PKD2: variants seen among roughly 807,000 people sequenced by gnomAD.
The protein encoded by PKD2 is polycystin 2, transient receptor potential cation channel.
PKD2 carries 48 observed loss-of-function variants against 105.9 expected under a neutral mutation model. The ratio of observed to expected loss-of-function variants is 0.45; its 90% confidence interval spans 0.36 to 0.58. PKD2 has a LOEUF of 0.58. PKD2 is among the 20% of genes least tolerant of loss of function. The pLI is 0.00. For synonymous variants in PKD2, 464 were observed against 481.1 expected, an observed-to-expected ratio of 0.96 and a Z score of 0.46; for missense variants, 1,078 against 1,255.3, an observed-to-expected ratio of 0.86 and a Z score of 2.13.
rs770039409 is a variant in PKD2, at chr4:88,010,664, T to C, written c.595+2336T>C. On this transcript the variant is annotated intron_variant, in intron 1 of 14. Coordinates refer to ENST00000237596, the MANE Select transcript of PKD2 (RefSeq NM_000297.4). ...AGTCTCTTGCCTTTGTGACTTTGTA[T>C]AGCTCCCTCAAACTACCTGAGCCTG... Among the ~76,000 whole-genome samples the C allele has an allele frequency of 7.9e-5, 12 of 152,338 alleles. No homozygotes were observed. The East Asian group carries it at 2.3e-3, about 29-fold the overall frequency.
At chr4:88,034,406 C>T (rs1727261354) in intron 2 of PKD2, among the ~76,000 whole-genome samples, 1 of 151,826 alleles carries the variant, frequency 6.6e-6, no homozygotes, top group Non-Finnish European at 1.5e-5. Flanking sequence ...TGGTGGTTCA[C>T]ACCTGTAATC....
At chr4:88,028,404 CACAA>C (rs1362606083) in intron 2 of PKD2, among the ~76,000 whole-genome samples, 3 of 152,288 alleles carry the variant, frequency 2.0e-5, no homozygotes, top group Non-Finnish European at 4.4e-5. Flanking sequence ...ATCTTTTCAC[CACAA>C]ACAGTTTCAG....
chr4:88,038,311 G>T lies in PKD2; in HGVS notation c.904G>T (p.Glu302Ter). Residue 302 changes from glutamate (E) to a stop codon, truncating the protein, a stop_gained, in exon 4 of 15, where the codon GAA becomes TAA. Transcript: ENST00000237596. LOFTEE classifies it high-confidence loss of function. ...YWKMQPSNQT[E>*]ADNRSFIFYE... ...GAAGATGCAGCCCAGCAACCAGACT[G>T]AAGCTGACAACCGAAGTTTCATCTT... 1 of 1,613,970 alleles carries T rather than the reference G, an allele frequency of 6.2e-7. No individual in the cohort carries two copies. Among genetic ancestry groups the T allele is most frequent in the Non-Finnish European group, 8.5e-7 (1 of 1,179,840 alleles).
intron 1 of PKD2, among the ~76,000 whole-genome samples, chr4:88,014,417 T>G (rs1726491045): frequency 6.7e-6 from 1 of 149,938 alleles, no homozygotes; most frequent in Non-Finnish European, 1.5e-5. Flanking sequence ...CTTAAGAGAC[T>G]GGGGCGGGAG....
chr4:88,007,682 A>C lies in PKD2; in HGVS notation c.-52A>C. On this transcript the variant is annotated 5_prime_UTR_variant, in exon 1 of 15. Coordinates refer to ENST00000237596, the MANE Select transcript of PKD2 (RefSeq NM_000297.4). ...GAAAGGAACATGGCTCCTGAGGCGC[A>C]CAGCGCCGAGCGCGGCGCCGCGCAC... is the stretch of plus-strand genomic sequence containing the variant. The C allele has an allele frequency of 9.0e-7, 1 of 1,105,682 alleles. No homozygotes were observed. Among genetic ancestry groups the C allele is most frequent in the Non-Finnish European group, 1.1e-6 (1 of 903,780 alleles). 68.5% of individuals were successfully genotyped at this position (1,105,682 alleles called of 1,614,324 possible).
At chr4:88,048,466 A>G (rs1727855550) in intron 6 of PKD2, among the ~76,000 whole-genome samples, 1 of 152,212 alleles carries the variant, frequency 6.6e-6, no homozygotes, top group Admixed American at 6.5e-5. Flanking sequence ...CAATAACTAT[A>G]TTAGCAGCAA....
chr4:88,064,014 A>G (rs1476516961), intron 10 of PKD2, among the ~76,000 whole-genome samples: 1 of 151,982 alleles, frequency 6.6e-6, no homozygotes, highest in African/African-American at 2.4e-5. Context: ...AATTAGCCAG[A>G]CATGATGGTG....
intron 8 of PKD2, 42 bp from the exon 9 acceptor site, chr4:88,057,941 T>G: frequency 1.4e-6 from 2 of 1,477,892 alleles, no homozygotes; most frequent in East Asian, 2.3e-5. Flanking sequence ...CTAGTGGACA[T>G]TCTTTGTTTT....
chr4:88,031,338 T>C (rs1255451667), intron 2 of PKD2, among the ~76,000 whole-genome samples: 3 of 152,262 alleles, frequency 2.0e-5, no homozygotes, highest in African/African-American at 7.2e-5. Context: ...AACTCTACTA[T>C]AAGTCAAGGA....
intron 3 of PKD2, 50 bp downstream of exon 3, chr4:88,036,403 AT>A (rs1727335426): frequency 6.2e-7 from 1 of 1,609,778 alleles, no homozygotes; most frequent in Non-Finnish European, 8.5e-7. Context: ...AAAATTGTTC[AT>A]TTGGCTTCAT....
At chr4:88,045,344 C>T (rs1217840578) in intron 5 of PKD2, among the ~76,000 whole-genome samples, 1 of 152,184 alleles carries the variant, frequency 6.6e-6, no homozygotes, top group Non-Finnish European at 1.5e-5. Flanking sequence ...CTCTCTAACA[C>T]ATCAAATAGG....
intron 9 of PKD2, among the ~76,000 whole-genome samples, chr4:88,060,958 T>A (rs1720549428): frequency 6.6e-6 from 1 of 152,208 alleles, no homozygotes; most frequent in Admixed American, 6.5e-5. Context: ...AAAATTAGAC[T>A]TAGAAAAGTG....
intron 8 of PKD2, 25 bp from the exon 9 acceptor site, chr4:88,057,958 G>C (rs375126596): frequency 3.9e-6 from 6 of 1,549,732 alleles, no homozygotes; most frequent in African/African-American, 1.4e-5. Context: ...TTTTTGTATT[G>C]TGGTGTTTTG....
At chr4:88,060,641 G>C (rs185798406) in intron 9 of PKD2, among the ~76,000 whole-genome samples, 2 of 151,966 alleles carry the variant, frequency 1.3e-5, no homozygotes, top group African/African-American at 4.8e-5. Flanking sequence ...ACAGTTATGT[G>C]TTAAAAAGGA....
At chr4:88,066,704 T>G (rs1720809066) in intron 12 of PKD2, among the ~76,000 whole-genome samples, 1 of 152,160 alleles carries the variant, frequency 6.6e-6, no homozygotes, top group South Asian at 2.1e-4. Context: ...ATTTGAATAC[T>G]TTTTACAAAA....
At chr4:88,019,706 T>A in intron 2 of PKD2, 135 bp downstream of exon 2, 1 of 681,382 alleles carries the variant, frequency 1.5e-6, no homozygotes, top group East Asian at 2.7e-5. Context: ...TTTTTAATTC[T>A]AATATTTTTA....
At chr4:88,008,610 G>A (rs953489592) in intron 1 of PKD2, among the ~76,000 whole-genome samples, 8 of 152,026 alleles carry the variant, frequency 5.3e-5, no homozygotes, top group Admixed American at 5.2e-4. Flanking sequence ...AGCCTAATTA[G>A]AGTGAAAGAG....
chr4:88,042,450 A>G (rs12512476), intron 4 of PKD2, among the ~76,000 whole-genome samples: 53,241 of 151,984 alleles, frequency 0.35, 10,348 homozygotes, highest in African/African-American at 0.5. Context: ...GGGAGTTACA[A>G]TTCAAGATGA....
chr4:88,053,616 C>A (rs561677699), intron 7 of PKD2, among the ~76,000 whole-genome samples: 1 of 150,456 alleles, frequency 6.6e-6, no homozygotes, highest in Non-Finnish European at 1.5e-5. Context: ...AAGATCGCAC[C>A]GCTGCACTCC....
Sources: allele counts gnomAD v4.1 joint callset (sites outside exome capture counted in the v4.1 genomes callset), GRCh38; gene constraint gnomAD v4.1.1; transcripts MANE v1.5; gene names NCBI Gene and HGNC (gene_info 2026-07-23, HGNC 2026-07-21).